MSRA: variants seen among roughly 807,000 people sequenced by gnomAD.
The protein encoded by MSRA is methionine sulfoxide reductase A.
In MSRA, 54 loss-of-function variants were observed where a neutral mutation model predicts 31.3. That is an observed-to-expected ratio of 1.73 (90% CI 1.39 to 2.17). MSRA has a LOEUF of 2.17. Among genes scored for constraint, MSRA ranks in the 30% most tolerant of loss-of-function variants. The probability of loss-of-function intolerance (pLI) is 0.00; values close to 1 mark genes in which losing one functional copy is unlikely to be tolerated. For synonymous variants in MSRA, 169 were observed against 116.5 expected, an observed-to-expected ratio of 1.45 and a Z score of -2.90; for missense variants, 507 against 300.9, an observed-to-expected ratio of 1.69 and a Z score of -5.07.
At chr8:10,426,921 G>T (rs1021248124) in intron 5 of MSRA, among the ~76,000 whole-genome samples, 1 of 152,146 alleles carries the variant, frequency 6.6e-6, no homozygotes, top group African/African-American at 2.4e-5. Flanking sequence ...GAGCTGGCTG[G>T]TCTAACCCAC....
At chr8:10,119,964 G>A (rs1050601957) in intron 1 of MSRA, among the ~76,000 whole-genome samples, 2 of 152,200 alleles carry the variant, frequency 1.3e-5, no homozygotes, top group African/African-American at 4.8e-5. Flanking sequence ...GGGGCAAGAA[G>A]AGAGCAATGA....
At chr8:10,218,342 C>T (rs1285316665) in intron 2 of MSRA, among the ~76,000 whole-genome samples, 1 of 151,870 alleles carries the variant, frequency 6.6e-6, no homozygotes, top group Non-Finnish European at 1.5e-5. Flanking sequence ...GATGGGGTTT[C>T]ACCATGTTGC....
At chr8:10,392,714 G>C (rs1396656553) in intron 5 of MSRA, among the ~76,000 whole-genome samples, 1 of 150,482 alleles carries the variant, frequency 6.6e-6, no homozygotes, top group East Asian at 2.0e-4. Flanking sequence ...ATATTGGGAA[G>C]GTCAAATTAG....
intron 5 of MSRA, among the ~76,000 whole-genome samples, chr8:10,412,435 G>C (rs1808213866): frequency 6.6e-6 from 1 of 152,296 alleles, no homozygotes; most frequent in East Asian, 1.9e-4. Flanking sequence ...GAATGAATGT[G>C]GACCTGCAGA....
At chr8:10,124,783 A>G (rs1801384164) in intron 1 of MSRA, among the ~76,000 whole-genome samples, 1 of 147,668 alleles carries the variant, frequency 6.8e-6, no homozygotes, top group African/African-American at 2.5e-5. Context: ...TTTATGGATT[A>G]GATATGAATT....
At chr8:10,171,763 G>C in intron 1 of MSRA, among the ~76,000 whole-genome samples, 1 of 152,316 alleles carries the variant, frequency 6.6e-6, no homozygotes, top group Non-Finnish European at 1.5e-5. Context: ...TGTTTAGGTG[G>C]TAGTGGAATT....
chr8:10,101,546 C>G (rs989113118), intron 1 of MSRA, among the ~76,000 whole-genome samples: 2 of 152,166 alleles, frequency 1.3e-5, no homozygotes, highest in Admixed American at 1.3e-4. Context: ...CTTCCCCAAA[C>G]CCCGCAACAG....
intron 5 of MSRA, among the ~76,000 whole-genome samples, chr8:10,343,052 C>G (rs756652328): frequency 0.012 from 581 of 47,320 alleles, 3 homozygotes; most frequent in African/African-American, 0.038. Flanking sequence ...CACACACACA[C>G]AGACACACAC....
At chr8:10,415,034 G>A (rs1375813853) in intron 5 of MSRA, among the ~76,000 whole-genome samples, 4 of 152,174 alleles carry the variant, frequency 2.6e-5, no homozygotes, top group Non-Finnish European at 5.9e-5. Flanking sequence ...AAATCAAGAG[G>A]AAGCAGCAGT....
At chr8:10,055,884 A>C (rs76288166) in intron 1 of MSRA, among the ~76,000 whole-genome samples, 236 of 152,250 alleles carry the variant, frequency 1.6e-3, no homozygotes, top group Non-Finnish European at 2.9e-3. Flanking sequence ...TCGAATTAGC[A>C]GTTTCTGTTT....
At chr8:10,148,044 G>A (rs1803311172) in intron 1 of MSRA, among the ~76,000 whole-genome samples, 2 of 152,238 alleles carry the variant, frequency 1.3e-5, no homozygotes, top group South Asian at 2.1e-4. Flanking sequence ...TGCGGGCACA[G>A]CCGTGGGGCT....
chr8:10,084,399 T>A (rs1798447943), intron 1 of MSRA, among the ~76,000 whole-genome samples: 1 of 152,250 alleles, frequency 6.6e-6, no homozygotes, highest in Admixed American at 6.5e-5. Flanking sequence ...GATGCTTGGA[T>A]CGTTGTAATA....
chr8:10,250,083 G>T (rs1797838446), intron 3 of MSRA, among the ~76,000 whole-genome samples: 1 of 152,160 alleles, frequency 6.6e-6, no homozygotes, highest in African/African-American at 2.4e-5. Context: ...GTTTTAAGAA[G>T]TTGGGCTGAC....
chr8:10,159,373 T>C (rs886667132), intron 1 of MSRA, among the ~76,000 whole-genome samples: 2 of 152,206 alleles, frequency 1.3e-5, no homozygotes, highest in African/African-American at 4.8e-5. Context: ...GTCTCTGGGC[T>C]GGAGGCAGAC....
chr8:10,216,436 T>A (rs888835641), intron 2 of MSRA, among the ~76,000 whole-genome samples: 4 of 152,222 alleles, frequency 2.6e-5, no homozygotes, highest in African/African-American at 9.6e-5. Flanking sequence ...ATATGAAATT[T>A]ATCATTGTAA....
At chr8:10,366,898 C>G (rs1805198790) in intron 5 of MSRA, among the ~76,000 whole-genome samples, 1 of 152,060 alleles carries the variant, frequency 6.6e-6, no homozygotes, top group African/African-American at 2.4e-5. Context: ...GTGAAAGCCA[C>G]TTGGGTTGAC....
At chr8:10,299,488 A>C (rs949328222) in intron 3 of MSRA, among the ~76,000 whole-genome samples, 15 of 152,158 alleles carry the variant, frequency 9.9e-5, no homozygotes, top group Non-Finnish European at 4.4e-5. Context: ...TTTAGCATAA[A>C]ATCTGTTTAG....
At chr8:10,235,774 G>T (rs959790751) in intron 2 of MSRA, among the ~76,000 whole-genome samples, 1 of 152,054 alleles carries the variant, frequency 6.6e-6, no homozygotes. Flanking sequence ...TGTTACATAG[G>T]AGAGAAAATA....
chr8:10,160,108 C>G (rs1247474433), intron 1 of MSRA, among the ~76,000 whole-genome samples: 2 of 152,072 alleles, frequency 1.3e-5, no homozygotes, highest in Admixed American at 1.3e-4. Context: ...CAAAGAAGTC[C>G]ATTTGAAATT....
Sources: allele counts gnomAD v4.1 joint callset (sites outside exome capture counted in the v4.1 genomes callset), GRCh38; gene constraint gnomAD v4.1.1; transcripts MANE v1.5; gene names NCBI Gene and HGNC (gene_info 2026-07-23, HGNC 2026-07-21).